ELMO1: variants seen among roughly 807,000 people sequenced by gnomAD.
ELMO1 encodes engulfment and cell motility protein 1.
Under a neutral mutation model 98.9 loss-of-function variants are expected in ELMO1, and 26 were observed. That is an observed-to-expected ratio of 0.26 (90% CI 0.19 to 0.36). The LOEUF (loss-of-function observed/expected upper bound fraction) is 0.36, where lower values mean the gene tolerates loss of function less well. ELMO1 is among the 10% of genes least tolerant of loss of function. The pLI, the probability that ELMO1 is intolerant of heterozygous loss-of-function variation, is 1.00. For synonymous variants in ELMO1, 346 were observed against 346.0 expected (o/e 1.00, Z 0.00); for missense variants, 627 against 935.2 (o/e 0.67, Z 4.30).
intron 14 of ELMO1, among the ~76,000 whole-genome samples, chr7:37,106,368 G>A (rs1376622010): frequency 1.3e-5 from 2 of 152,102 alleles, no homozygotes; most frequent in Non-Finnish European, 2.9e-5. Context: ...TGATTGAAAG[G>A]AGGCTCTCAC....
intron 11 of ELMO1, 40 bp downstream of exon 11, chr7:37,216,605 C>G: frequency 6.2e-7 from 1 of 1,611,566 alleles, no homozygotes; most frequent in Non-Finnish European, 8.5e-7. Flanking sequence ...CACCAGGCCA[C>G]TCCTCCCCCA....
At chr7:37,120,983 G>T (rs577073947) in intron 14 of ELMO1, among the ~76,000 whole-genome samples, 46 of 152,186 alleles carry the variant, frequency 3.0e-4, no homozygotes, top group Non-Finnish European at 5.6e-4. Context: ...TCGCTGTTCT[G>T]CAGCCTCCGC....
intron 13 of ELMO1, among the ~76,000 whole-genome samples, chr7:37,184,120 CT>C (rs1377516717): frequency 1.3e-5 from 2 of 150,128 alleles, no homozygotes; most frequent in African/African-American, 4.9e-5. Context: ...AGTTGATTTT[CT>C]TTTGTCCTCA....
intron 15 of ELMO1, among the ~76,000 whole-genome samples, chr7:37,064,169 G>C (rs946197334): frequency 6.6e-6 from 1 of 152,090 alleles, no homozygotes; most frequent in Non-Finnish European, 1.5e-5. Flanking sequence ...CACTGCCTGG[G>C]CATTTTCTCG....
intron 2 of ELMO1, among the ~76,000 whole-genome samples, chr7:37,321,381 C>A (rs2131138723): frequency 6.6e-6 from 1 of 152,236 alleles, no homozygotes; most frequent in Middle Eastern, 3.4e-3. Context: ...TAATACCTTT[C>A]TGTAGACCCG....
intron 7 of ELMO1, among the ~76,000 whole-genome samples, chr7:37,234,836 G>A (rs548800918): frequency 3.3e-5 from 5 of 152,334 alleles, no homozygotes; most frequent in African/African-American, 4.8e-5. Flanking sequence ...GCAAAAGTGA[G>A]ATTTTTAAAA....
chr7:37,447,625 A>C (rs946571467), intron 1 of ELMO1, among the ~76,000 whole-genome samples: 34 of 148,310 alleles, frequency 2.3e-4, no homozygotes, highest in Non-Finnish European at 3.3e-4. Context: ...CGACTCACAC[A>C]CACACCCACA....
intron 1 of ELMO1, among the ~76,000 whole-genome samples, chr7:37,348,649 T>C (rs968606474): frequency 6.6e-5 from 10 of 152,106 alleles, no homozygotes; most frequent in African/African-American, 2.4e-4. Flanking sequence ...TTCCACTAAA[T>C]GTCTCCGTAG....
At chr7:36,970,810 G>T (rs563875215) in intron 16 of ELMO1, among the ~76,000 whole-genome samples, 1 of 152,350 alleles carries the variant, frequency 6.6e-6, no homozygotes. Context: ...TGGCCACTCA[G>T]TCTGAAACTC....
intron 1 of ELMO1, among the ~76,000 whole-genome samples, chr7:37,397,092 C>T (rs74483807): frequency 0.096 from 14,541 of 152,210 alleles, 755 homozygotes; most frequent in Middle Eastern, 0.11. Context: ...ATATAGACAG[C>T]CACAGTCGTA....
chr7:37,343,337 G>A (rs752170010), intron 1 of ELMO1, among the ~76,000 whole-genome samples: 2 of 152,110 alleles, frequency 1.3e-5, no homozygotes, highest in Non-Finnish European at 2.9e-5. Context: ...ATGCACCTTC[G>A]GTGGGGGGTG....
chr7:37,292,302 C>G (rs1797736464), intron 4 of ELMO1, among the ~76,000 whole-genome samples: 1 of 81,336 alleles, frequency 1.2e-5, no homozygotes, highest in Admixed American at 1.2e-4. Flanking sequence ...TCGCTACAAC[C>G]TCCACCTCCC....
chr7:37,234,343 A>G (rs1794343816), intron 7 of ELMO1, among the ~76,000 whole-genome samples: 1 of 152,254 alleles, frequency 6.6e-6, no homozygotes, highest in Admixed American at 6.5e-5. Flanking sequence ...CTAGTAGAAT[A>G]GAAAACAGGT....
chr7:37,445,930 T>A (rs962506405), intron 1 of ELMO1, among the ~76,000 whole-genome samples: 9 of 152,288 alleles, frequency 5.9e-5, no homozygotes, highest in Middle Eastern at 3.4e-3. Context: ...AAACACCAGA[T>A]CTGGAATGGT....
At chr7:37,383,347 C>T (rs1802654902) in intron 1 of ELMO1, among the ~76,000 whole-genome samples, 1 of 152,190 alleles carries the variant, frequency 6.6e-6, no homozygotes, top group South Asian at 2.1e-4. Flanking sequence ...TATCTAACAT[C>T]TCGCCTCACA....
rs1035235233 is a variant in ELMO1, at chr7:37,157,174, TAAG to T, written c.1087-23943_1087-23941del. On this transcript the variant is annotated intron_variant, in intron 13 of 21. Transcript: ENST00000310758. ...ATTGATGGAATGTATCTCAAAATAA[TAAG>T]AGCCATTTATGACAAATCCACAGCC... 4.9e-4 allele frequency among the ~76,000 whole-genome samples: 75 copies of T among 152,130 alleles called. 1 individual carries two copies. The highest frequency in any genetic ancestry group is 1.2e-4 in the Non-Finnish European group (8 of 68,016).
chr7:37,394,413 C>T (rs1364496379), intron 1 of ELMO1, among the ~76,000 whole-genome samples: 6 of 152,094 alleles, frequency 3.9e-5, no homozygotes, highest in Non-Finnish European at 8.8e-5. Context: ...AGGCCTCAGA[C>T]GGTCAGCAAG....
intron 15 of ELMO1, among the ~76,000 whole-genome samples, chr7:37,044,530 G>A (rs1458783352): frequency 6.6e-6 from 1 of 152,142 alleles, no homozygotes; most frequent in African/African-American, 2.4e-5. Context: ...TGTTTGAGGT[G>A]GTGACCAGCC....
At chr7:37,398,585 A>G (rs1016134534) in intron 1 of ELMO1, among the ~76,000 whole-genome samples, 1 of 152,230 alleles carries the variant, frequency 6.6e-6, no homozygotes, top group Non-Finnish European at 1.5e-5. Flanking sequence ...CTATGCAAGG[A>G]AACTAACGGG....
Sources: allele counts gnomAD v4.1 joint callset (sites outside exome capture counted in the v4.1 genomes callset), GRCh38; gene constraint gnomAD v4.1.1; transcripts MANE v1.5; gene names NCBI Gene and HGNC (gene_info 2026-07-23, HGNC 2026-07-21).